EDAR: variants seen among roughly 807,000 people sequenced by gnomAD.
The protein encoded by EDAR is ectodysplasin A receptor.
EDAR carries 38 observed loss-of-function variants against 51.3 expected under a neutral mutation model. That is an observed-to-expected ratio of 0.74 (90% CI 0.57 to 0.97). The LOEUF is 0.97. Among genes scored for constraint, EDAR ranks in the 50% least tolerant of loss-of-function variants. The pLI, the probability that EDAR is intolerant of heterozygous loss-of-function variation, is 0.00. For synonymous variants in EDAR, 227 were observed against 242.1 expected, an observed-to-expected ratio of 0.94 and a Z score of 0.58; for missense variants, 528 against 595.0, an observed-to-expected ratio of 0.89 and a Z score of 1.17.
chr2:108,956,605 T>C (rs559426577), intron 1 of EDAR, among the ~76,000 whole-genome samples: 71 of 152,270 alleles, frequency 4.7e-4, no homozygotes, highest in African/African-American at 1.7e-3. Flanking sequence ...GACAGTGAAA[T>C]TTCCCTCATA....
intron 5 of EDAR, among the ~76,000 whole-genome samples, chr2:108,917,203 C>A (rs1164139206): frequency 6.6e-6 from 1 of 152,164 alleles, no homozygotes; most frequent in Non-Finnish European, 1.5e-5. Flanking sequence ...ACAGCTGTTT[C>A]ATAAAAGCAA....
At chr2:108,960,464 G>A (rs1411836464) in intron 1 of EDAR, among the ~76,000 whole-genome samples, 3 of 152,228 alleles carry the variant, frequency 2.0e-5, no homozygotes, top group Admixed American at 6.5e-5. Context: ...CAAAGAATAA[G>A]TATAATCTGG....
intron 5 of EDAR, among the ~76,000 whole-genome samples, chr2:108,921,936 G>C (rs1032720105): frequency 6.6e-6 from 1 of 152,238 alleles, no homozygotes; most frequent in Non-Finnish European, 1.5e-5. Flanking sequence ...GCTTTCCTCG[G>C]AGCCGGCTTT....
intron 3 of EDAR, 125 bp downstream of exon 3, chr2:108,929,995 G>A (rs964197895): frequency 1.3e-5 from 16 of 1,205,862 alleles, no homozygotes; most frequent in Admixed American, 2.5e-5. Flanking sequence ...TCCAGGGAGC[G>A]TGACCGGCTG....
At chr2:108,924,292 C>T (rs910913539) in intron 4 of EDAR, among the ~76,000 whole-genome samples, 1 of 152,236 alleles carries the variant, frequency 6.6e-6, no homozygotes, top group Non-Finnish European at 1.5e-5. Context: ...TCCCTGCAGC[C>T]GTCCCGCTCC....
chr2:108,965,406 G>A (rs943616897), intron 1 of EDAR, among the ~76,000 whole-genome samples: 30 of 151,830 alleles, frequency 2.0e-4, no homozygotes, highest in African/African-American at 5.6e-4. Context: ...GCATGAACCC[G>A]GGAGGCCGAG....
rs186182182 is a variant in EDAR at position 108,939,107 on chromosome 2, C to T, written c.-18-8075G>A. On this transcript the variant is annotated intron_variant, in intron 1 of 11. Transcript: ENST00000258443. ...TAGGACTCTTATATAAGCATAGTAACATGAAGTTTTGTTGAAACATGATAG... is the reference window on the plus strand; with the variant it reads ...TAGGACTCTTATATAAGCATAGTAATATGAAGTTTTGTTGAAACATGATAG... 2.6e-5 allele frequency among the ~76,000 whole-genome samples: 4 copies of T among 152,200 alleles called. No individual in the cohort carries two copies. In the East Asian group the frequency reaches 7.8e-4, roughly 29 times the overall value.
At chr2:108,964,107 G>C (rs1698104900) in intron 1 of EDAR, among the ~76,000 whole-genome samples, 1 of 152,178 alleles carries the variant, frequency 6.6e-6, no homozygotes, top group African/African-American at 2.4e-5. Flanking sequence ...AATTTAAACA[G>C]ACACGTATGG....
At chr2:108,986,910 G>A (rs1156426998) in intron 1 of EDAR, among the ~76,000 whole-genome samples, 2 of 152,228 alleles carry the variant, frequency 1.3e-5, no homozygotes, top group Non-Finnish European at 2.9e-5. Context: ...AATGTGCTAA[G>A]TGGGCTTAAT....
chr2:108,970,376 A>G (rs1698214252), intron 1 of EDAR, among the ~76,000 whole-genome samples: 1 of 152,212 alleles, frequency 6.6e-6, no homozygotes, highest in Admixed American at 6.5e-5. Context: ...GTTAGCAAGA[A>G]GAGAACCTGG....
At chr2:108,960,762 T>C (rs925526526) in intron 1 of EDAR, among the ~76,000 whole-genome samples, 1 of 152,228 alleles carries the variant, frequency 6.6e-6, no homozygotes, top group African/African-American at 2.4e-5. Flanking sequence ...TGTATAGATA[T>C]ATAGATATAT....
chr2:108,913,932 A>G (rs1696980099), intron 5 of EDAR, among the ~76,000 whole-genome samples: 1 of 130,210 alleles, frequency 7.7e-6, no homozygotes, highest in African/African-American at 2.8e-5. Flanking sequence ...CCTGGGTGAC[A>G]CAGTGCGATT....
At chr2:108,906,227 C>T (rs1329466107) in intron 11 of EDAR, 81 bp downstream of exon 11, 2 of 1,489,098 alleles carry the variant, frequency 1.3e-6, no homozygotes, top group Non-Finnish European at 9.4e-7. Context: ...GTTCCCCTCA[C>T]AGGAGCCTCA....
chr2:108,929,487 C>T (rs1017010627), intron 3 of EDAR, 108 bp from the exon 4 acceptor site: 23 of 1,207,826 alleles, frequency 1.9e-5, no homozygotes, highest in African/African-American at 3.0e-5. Flanking sequence ...CCAGAAGCTA[C>T]TCTTGCCGGG....
chr2:108,983,558 C>T (rs913625354), intron 1 of EDAR, among the ~76,000 whole-genome samples: 1 of 152,178 alleles, frequency 6.6e-6, no homozygotes, highest in East Asian at 1.9e-4. Context: ...TCAACAATCC[C>T]GCCCTTCCAG....
chr2:108,960,552 A>G (rs944460185), intron 1 of EDAR, among the ~76,000 whole-genome samples: 96 of 152,226 alleles, frequency 6.3e-4, no homozygotes, highest in African/African-American at 2.1e-3. Context: ...CCAGCAGAAA[A>G]GTGGACAACA....
At chr2:108,911,388 G>A (rs757788367) in intron 6 of EDAR, among the ~76,000 whole-genome samples, 4 of 152,176 alleles carry the variant, frequency 2.6e-5, no homozygotes, top group African/African-American at 4.8e-5. Context: ...TTGGTGTGGA[G>A]AGGAAGAAAG....
rs559377887 is a variant in EDAR at position 108,930,310 on chromosome 2, C to T, written c.52-68G>A. 10 of 1,608,534 alleles carry T rather than the reference C, an allele frequency of 6.2e-6. No homozygotes were observed. The African/African-American group carries it at 1.3e-4, about 21-fold the overall frequency. The stretch of plus-strand genomic sequence containing the variant: ...AAACACATGTGACTCCTGCAAGACC[C>T]CAAGGTTGACATAGGAAGGGGGTGC... On this transcript the variant is annotated intron_variant, in intron 2 of 11. Transcript: ENST00000258443.
chr2:108,984,587 A>C, intron 1 of EDAR, among the ~76,000 whole-genome samples: 2 of 150,588 alleles, frequency 1.3e-5, no homozygotes, highest in South Asian at 2.1e-4. Flanking sequence ...GTCCTGGTTC[A>C]CTCCCTCACT....
Sources: allele counts gnomAD v4.1 joint callset (sites outside exome capture counted in the v4.1 genomes callset), GRCh38; gene constraint gnomAD v4.1.1; transcripts MANE v1.5; gene names NCBI Gene and HGNC (gene_info 2026-07-23, HGNC 2026-07-21).